VWA3B: variants seen among roughly 807,000 people sequenced by gnomAD.
The protein encoded by VWA3B is von Willebrand factor A domain containing 3B.
A neutral mutation model predicts 158.3 loss-of-function variants in VWA3B; 138 were observed. The ratio of observed to expected loss-of-function variants is 0.87; its 90% confidence interval spans 0.76 to 1.00. The LOEUF (loss-of-function observed/expected upper bound fraction) is 1.00. VWA3B is among the 50% of genes least tolerant of loss of function. VWA3B has a pLI of 0.00. For synonymous variants in VWA3B, 596 were observed against 587.3 expected (o/e 1.01, Z -0.21); for missense variants, 1,555 against 1,565.1 (o/e 0.99, Z 0.11).
At chr2:98,159,238 T>A (rs967459810) in intron 7 of VWA3B, among the ~76,000 whole-genome samples, 2 of 152,094 alleles carry the variant, frequency 1.3e-5, no homozygotes, top group Non-Finnish European at 2.9e-5. Flanking sequence ...TGCAAATTGT[T>A]TTTTTGTTTT....
intron 1 of VWA3B, among the ~76,000 whole-genome samples, chr2:98,091,520 A>G (rs1255028020): frequency 6.6e-6 from 1 of 152,232 alleles, no homozygotes; most frequent in East Asian, 1.9e-4. Flanking sequence ...ATTGTGGACA[A>G]GTTAATTAAC....
chr2:98,138,852 C>G (rs1313574879), intron 7 of VWA3B, among the ~76,000 whole-genome samples: 1 of 152,256 alleles, frequency 6.6e-6, no homozygotes, highest in Non-Finnish European at 1.5e-5. Flanking sequence ...GCAGTCCTCA[C>G]AGCCTCGCTC....
chr2:98,103,337 A>G (rs1683218069), intron 2 of VWA3B, among the ~76,000 whole-genome samples: 1 of 152,064 alleles, frequency 6.6e-6, no homozygotes, highest in African/African-American at 2.4e-5. Context: ...TTTGAGCTTG[A>G]TTTGCATTCC....
intron 8 of VWA3B, among the ~76,000 whole-genome samples, chr2:98,165,384 C>T (rs13022257): frequency 0.32 from 48,583 of 152,094 alleles, 9,725 homozygotes; most frequent in South Asian, 0.57. Flanking sequence ...TCCCACCCAC[C>T]GGACATGTAA....
chr2:98,139,852 C>T (rs927569300), intron 7 of VWA3B, among the ~76,000 whole-genome samples: 1 of 152,208 alleles, frequency 6.6e-6, no homozygotes, highest in African/African-American at 2.4e-5. Context: ...CCTCAGGTCC[C>T]CTCAGGCTGT....
chr2:98,175,462 C>A (rs556588507), intron 8 of VWA3B, among the ~76,000 whole-genome samples: 1 of 152,164 alleles, frequency 6.6e-6, no homozygotes, highest in South Asian at 2.1e-4. Flanking sequence ...TTCAACACCC[C>A]GATTTGAGAA....
At chr2:98,181,321 C>CCA in intron 9 of VWA3B, 109 bp downstream of exon 9, 1 of 1,220,294 alleles carries the variant, frequency 8.2e-7, no homozygotes, top group Non-Finnish European at 1.2e-6. Context: ...GGAGAGAAAC[C>CCA]AGCTTGGGTT....
chr2:98,186,941 T>C (rs1026061033), intron 9 of VWA3B, among the ~76,000 whole-genome samples: 1 of 152,114 alleles, frequency 6.6e-6, no homozygotes, highest in Admixed American at 6.5e-5. Context: ...CTCCTCTTCG[T>C]GTGTCCCGGC....
At chr2:98,282,943 A>G (rs1688968823) in intron 22 of VWA3B, among the ~76,000 whole-genome samples, 1 of 152,220 alleles carries the variant, frequency 6.6e-6, no homozygotes, top group East Asian at 1.9e-4. Flanking sequence ...CTCTTCACAG[A>G]GTGAATGGCT....
intron 19 of VWA3B, among the ~76,000 whole-genome samples, chr2:98,245,252 A>C (rs2105777028): frequency 6.6e-6 from 1 of 152,124 alleles, no homozygotes; most frequent in African/African-American, 2.4e-5. Flanking sequence ...CCTCTCAAAC[A>C]GAGCTCTCAA....
chr2:98,279,601 G>T (rs142279936), intron 22 of VWA3B, among the ~76,000 whole-genome samples: 1 of 152,222 alleles, frequency 6.6e-6, no homozygotes, highest in Non-Finnish European at 1.5e-5. Flanking sequence ...AGAAGTGAAG[G>T]TCAGTCTAAG....
At chr2:98,211,853 G>T in intron 12 of VWA3B, 77 bp from the exon 13 acceptor site, 1 of 1,274,686 alleles carries the variant, frequency 7.8e-7, no homozygotes, top group South Asian at 1.3e-5. Flanking sequence ...TTCTTTTTTG[G>T]AAGCAGAAAA....
At chr2:98,251,072 T>A (rs906382594) in intron 20 of VWA3B, among the ~76,000 whole-genome samples, 2 of 152,044 alleles carry the variant, frequency 1.3e-5, no homozygotes, top group African/African-American at 4.8e-5. Context: ...CACTCCAGCC[T>A]GGGTGATAGA....
chr2:98,159,722 T>G (rs947625876), intron 7 of VWA3B, among the ~76,000 whole-genome samples: 1 of 151,902 alleles, frequency 6.6e-6, no homozygotes, highest in African/African-American at 2.4e-5. Context: ...ACAGTCAAGA[T>G]ACATACAGCT....
intron 25 of VWA3B, among the ~76,000 whole-genome samples, chr2:98,301,126 T>G (rs908831556): frequency 1.3e-5 from 2 of 151,788 alleles, no homozygotes; most frequent in Non-Finnish European, 2.9e-5. Flanking sequence ...CCATCTCTAC[T>G]AAAAATACAA....
intron 6 of VWA3B, among the ~76,000 whole-genome samples, chr2:98,131,877 G>A (rs1260295361): frequency 1.3e-5 from 2 of 152,126 alleles, no homozygotes; most frequent in East Asian, 3.9e-4. Flanking sequence ...ATCTGTGAAG[G>A]GCTAGAAATT....
At chr2:98,239,672 C>G (rs1685945020) in intron 19 of VWA3B, among the ~76,000 whole-genome samples, 1 of 151,734 alleles carries the variant, frequency 6.6e-6, no homozygotes, top group Non-Finnish European at 1.5e-5. Context: ...TCCAGCACTT[C>G]AGGAGGCCGA....
chr2:98,185,246 G>A (rs1228552516), intron 9 of VWA3B, among the ~76,000 whole-genome samples: 1 of 152,052 alleles, frequency 6.6e-6, no homozygotes, highest in Non-Finnish European at 1.5e-5. Context: ...CCTCCACCAG[G>A]ATATAAAAGT....
chr2:98,290,573 AG>A lies in VWA3B; in HGVS notation c.3110del (p.Gly1037AspfsTer19). 6.3e-7 allele frequency: 1 copy of A among 1,593,598 alleles called. No individual in the cohort carries two copies. Among genetic ancestry groups the A allele is most frequent in the Non-Finnish European group, 8.5e-7 (1 of 1,174,576 alleles). ...TKSKRPDPLK[G>X]QKVIARCDEN... ...AATCAAAAAGACCAGATCCCCTCAAAGGACAGAAGGTTATTGCAAGATGTGA... is the reference window on the plus strand; with the variant it reads ...AATCAAAAAGACCAGATCCCCTCAAAGACAGAAGGTTATTGCAAGATGTGA... On this transcript the variant is annotated frameshift_variant, in exon 23 of 28. Transcript: ENST00000477737. LOFTEE classifies it high-confidence loss of function.
Sources: allele counts gnomAD v4.1 joint callset (sites outside exome capture counted in the v4.1 genomes callset), GRCh38; gene constraint gnomAD v4.1.1; transcripts MANE v1.5; gene names NCBI Gene and HGNC (gene_info 2026-07-23, HGNC 2026-07-21).